The following MSN variants were observed in gnomAD, a reference collection of about 807,000 sequenced individuals.
MSN encodes epididymis luminal protein 70.
MSN carries 2 observed loss-of-function variants against 48.0 expected under a neutral mutation model. The ratio of observed to expected loss-of-function variants is 0.04; its 90% CI spans 0.02 to 0.13. MSN has a LOEUF of 0.13. MSN is among the 10% of genes least tolerant of loss of function. The pLI is 1.00. For missense variants in MSN, 267 were observed against 470.1 expected (o/e 0.57, Z 3.99); for synonymous variants, 146 against 166.9 (o/e 0.87, Z 0.97).
chrX:65,659,536 C>A (rs2070806909), intron 1 of MSN, among the ~76,000 whole-genome samples: 1 of 111,589 alleles, frequency 9.0e-6, no homozygotes, highest in South Asian at 3.7e-4. Context: ...CAGAACATTC[C>A]CAGCCCCCAA....
At position 65,667,731 on chromosome X, in the gene MSN, G is replaced by C. The variant is rs2070888060; in HGVS notation, c.-111G>C. The C allele has an allele frequency of 3.5e-6, 4 of 1,158,771 alleles. No homozygotes were observed. In the East Asian group the frequency reaches 9.5e-5, roughly 27 times the overall value. Reference sequence around the variant, plus strand: ...AACAGTCGCCCCGACGCTAGTGAGGGACCCAATCTGAGTCCCCGGCCAGCC... The same window carrying C: ...AACAGTCGCCCCGACGCTAGTGAGGCACCCAATCTGAGTCCCCGGCCAGCC... On this transcript the variant is annotated 5_prime_UTR_variant, in exon 1 of 13. Transcript: ENST00000360270.
Position 65,739,083 on chromosome X carries a change from T to C in MSN, c.1458T>C (p.Asn486=). Residue 486 remains asparagine, a synonymous_variant, in exon 12 of 13, where the codon AAT becomes AAC. Coordinates refer to ENST00000360270, the MANE Select transcript of MSN (RefSeq NM_002444.3). ...AENEQDEQDE[N]GAEASADLRA... Reference sequence around the variant, plus strand: ...ATGAGCAGGATGAGCAGGATGAGAATGGGGCAGAGGCTAGTGCTGACCTAC... The same window carrying C: ...ATGAGCAGGATGAGCAGGATGAGAACGGGGCAGAGGCTAGTGCTGACCTAC... 8.3e-7 allele frequency: 1 copy of C among 1,211,607 alleles called. No homozygotes were observed. The highest frequency in any genetic ancestry group is 1.1e-6 in the Non-Finnish European group (1 of 895,438).
intron 1 of MSN, among the ~76,000 whole-genome samples, chrX:65,693,877 C>T (rs1053582392): frequency 1.9e-4 from 21 of 110,768 alleles, no homozygotes; most frequent in Non-Finnish European, 3.4e-4. Context: ...CACGGTGAAA[C>T]CCCGTCTCTA....
At chrX:65,670,528 G>A (rs1248047713) in intron 1 of MSN, among the ~76,000 whole-genome samples, 1 of 109,915 alleles carries the variant, frequency 9.1e-6, no homozygotes, top group African/African-American at 3.3e-5. Flanking sequence ...TTCGAGACCA[G>A]CCTGACCAAC....
intron 7 of MSN, among the ~76,000 whole-genome samples, chrX:65,733,556 C>T (rs912478176): frequency 3.6e-5 from 4 of 112,422 alleles, no homozygotes; most frequent in Non-Finnish European, 7.5e-5. Flanking sequence ...AGAACTGCTT[C>T]TTAGCCATTG....
At chrX:65,724,413 G>T (rs903208042) in intron 2 of MSN, among the ~76,000 whole-genome samples, 1 of 111,069 alleles carries the variant, frequency 9.0e-6, no homozygotes, top group Non-Finnish European at 1.9e-5. Context: ...CAAAGTGCTG[G>T]CATTATAGGC....
intron 1 of MSN, among the ~76,000 whole-genome samples, chrX:65,707,894 C>A (rs1452564948): frequency 1.8e-5 from 2 of 112,310 alleles, no homozygotes; most frequent in African/African-American, 6.5e-5. Flanking sequence ...GCTGTTACTA[C>A]CCTTACTCCC....
At chrX:65,708,764 C>T (rs1432750395) in intron 1 of MSN, among the ~76,000 whole-genome samples, 1 of 111,241 alleles carries the variant, frequency 9.0e-6, no homozygotes, top group Non-Finnish European at 1.9e-5. Flanking sequence ...CTCACTGCAA[C>T]CTCCGCCTCT....
At chrX:65,615,256 T>C (rs1215621953) in intron 1 of MSN, among the ~76,000 whole-genome samples, 3 of 108,509 alleles carry the variant, frequency 2.8e-5, no homozygotes, top group African/African-American at 1.0e-4. Flanking sequence ...TATTTCCAGT[T>C]CTAGATCCCT....
chrX:65,655,606 C>T (rs1229208369), intron 1 of MSN, among the ~76,000 whole-genome samples: 3 of 112,421 alleles, frequency 2.7e-5, no homozygotes, highest in East Asian at 2.8e-4. Flanking sequence ...CCTTCTCCCT[C>T]GTGTCCCACT....
chrX:65,605,508 C>G (rs1311113287), intron 1 of MSN, among the ~76,000 whole-genome samples: 2 of 112,162 alleles, frequency 1.8e-5, no homozygotes, highest in Non-Finnish European at 3.8e-5. Context: ...ACAACCCATT[C>G]TTTACAATAA....
At chrX:65,670,896 TTA>T (rs57076717) in intron 1 of MSN, among the ~76,000 whole-genome samples, 4 of 14,045 alleles carry the variant, frequency 2.8e-4, no homozygotes, top group South Asian at 6.8e-3. Flanking sequence ...ATGATGACAG[TTA>T]TATATATATA....
intron 1 of MSN, among the ~76,000 whole-genome samples, chrX:65,683,503 G>A (rs2071079473): frequency 9.4e-6 from 1 of 106,661 alleles, no homozygotes; most frequent in Admixed American, 1.0e-4. Flanking sequence ...TTTGGCCAAG[G>A]TAGACTAATT....
At chrX:65,696,225 T>TCACA (rs111720807) in intron 1 of MSN, among the ~76,000 whole-genome samples, 1,323 of 102,247 alleles carry the variant, frequency 0.013, 23 homozygotes, top group African/African-American at 0.045. Flanking sequence ...GCTTGCTCAT[T>TCACA]CACACACACA....
Position 65,741,894 on chromosome X carries a change from G to A in MSN, c.*2001G>A, listed in dbSNP as rs1010457172. On this transcript the variant is annotated 3_prime_UTR_variant, in exon 13 of 13. Transcript: ENST00000360270. ...TTGGAGGGGTTTATGCTCAATCCAT[G>A]TTCTATTTCAGTGCCAATAAAATTT... The A allele has an allele frequency of 6.4e-6, 1 of 155,397 alleles. No homozygotes were observed. Among genetic ancestry groups the A allele is most frequent in the Non-Finnish European group, 1.3e-5 (1 of 79,634 alleles). 12.8% of individuals were successfully genotyped at this position (155,397 alleles called of 1,213,427 possible).
intron 1 of MSN, among the ~76,000 whole-genome samples, chrX:65,716,345 G>A (rs953181555): frequency 1.8e-5 from 2 of 109,775 alleles, no homozygotes; most frequent in Admixed American, 9.7e-5. Flanking sequence ...GTGTGATCTC[G>A]GCTCACTGCA....
intron 1 of MSN, among the ~76,000 whole-genome samples, chrX:65,605,888 C>T (rs961230239): frequency 4.5e-5 from 5 of 111,381 alleles, no homozygotes; most frequent in Non-Finnish European, 7.5e-5. Context: ...CACAGCATCC[C>T]GTCATTCTCC....
intron 1 of MSN, among the ~76,000 whole-genome samples, chrX:65,644,986 C>T (rs1451458565): frequency 1.8e-5 from 2 of 112,502 alleles, no homozygotes; most frequent in African/African-American, 3.2e-5. Context: ...GTTAGAGTTA[C>T]CCCCAATCTC....
intron 1 of MSN, among the ~76,000 whole-genome samples, chrX:65,591,155 A>C (rs5964445): frequency 0.23 from 25,833 of 110,310 alleles, 7,361 homozygotes; most frequent in African/African-American, 0.81. Flanking sequence ...TTGTTCATAC[A>C]CTCCATTCTT....
Sources: gnomAD v4.1 joint callset for allele counts (sites outside exome capture counted in the v4.1 genomes callset) on GRCh38, gnomAD v4.1.1 for gene constraint, MANE v1.5 for transcripts, NCBI Gene and HGNC (gene_info 2026-07-23, HGNC 2026-07-21) for gene names.